CRPPA: variants seen among roughly 807,000 people sequenced by gnomAD.
The protein encoded by CRPPA is CDP-L-ribitol pyrophosphorylase A, also known as D-ribitol-5-phosphate cytidylyltransferase.
In CRPPA, 43 loss-of-function variants were observed where a neutral mutation model predicts 52.0. The observed-to-expected ratio is 0.83, with a 90% CI of 0.65 to 1.07. The LOEUF is 1.07. Ranked by LOEUF, CRPPA falls within the 50% of genes least tolerant of loss-of-function variation. CRPPA has a pLI of 0.00. For synonymous variants in CRPPA, 250 were observed against 203.5 expected, an observed-to-expected ratio of 1.23 and a Z score of -1.94; for missense variants, 629 against 551.7, an observed-to-expected ratio of 1.14 and a Z score of -1.40.
chr7:16,345,762 A>T (rs1785998597), intron 3 of CRPPA, among the ~76,000 whole-genome samples: 1 of 149,300 alleles, frequency 6.7e-6, no homozygotes, highest in Non-Finnish European at 1.5e-5. Context: ...AGTCCTTTAG[A>T]GTTTTTGAAG....
intron 9 of CRPPA, among the ~76,000 whole-genome samples, chr7:16,180,061 A>C (rs1781380010): frequency 6.6e-6 from 1 of 152,088 alleles, no homozygotes; most frequent in African/African-American, 2.4e-5. Context: ...CACGGAGATA[A>C]ATAAAATTTT....
At chr7:16,275,380 G>A (rs1311264940) in intron 6 of CRPPA, among the ~76,000 whole-genome samples, 1 of 152,140 alleles carries the variant, frequency 6.6e-6, no homozygotes, top group African/African-American at 2.4e-5. Flanking sequence ...CAGAAGCACC[G>A]TAGTATGTTA....
chr7:16,334,578 C>T (rs1252515821), intron 3 of CRPPA, among the ~76,000 whole-genome samples: 1 of 152,132 alleles, frequency 6.6e-6, no homozygotes, highest in Non-Finnish European at 1.5e-5. Flanking sequence ...ACAATCCTGC[C>T]TAACTACAGA....
intron 9 of CRPPA, among the ~76,000 whole-genome samples, chr7:16,121,760 C>G (rs1292646941): frequency 6.6e-6 from 1 of 151,892 alleles, no homozygotes; most frequent in African/African-American, 2.4e-5. Flanking sequence ...AAATGATAAG[C>G]CACAGGGAAA....
intron 9 of CRPPA, among the ~76,000 whole-genome samples, chr7:16,147,609 A>G (rs546012054): frequency 6.6e-6 from 1 of 152,298 alleles, no homozygotes; most frequent in African/African-American, 2.4e-5. Context: ...TTTAAGAAAA[A>G]TTTGAAAAGG....
At chr7:16,169,030 G>C (rs1442837762) in intron 9 of CRPPA, among the ~76,000 whole-genome samples, 1 of 152,160 alleles carries the variant, frequency 6.6e-6, no homozygotes, top group African/African-American at 2.4e-5. Context: ...ATGAATGTAA[G>C]ATTTTTAGGA....
intron 6 of CRPPA, among the ~76,000 whole-genome samples, chr7:16,262,387 C>T (rs760423018): frequency 1.1e-4 from 17 of 152,042 alleles, no homozygotes; most frequent in Non-Finnish European, 7.4e-5. Flanking sequence ...TCTTTAATAG[C>T]GCTGCTTTCA....
intron 2 of CRPPA, among the ~76,000 whole-genome samples, chr7:16,381,370 T>C (rs1298005150): frequency 6.6e-6 from 1 of 151,872 alleles, no homozygotes; most frequent in African/African-American, 2.4e-5. Flanking sequence ...TTGTTATAAT[T>C]TCTGTTCTTT....
At chr7:16,380,729 G>A (rs996580449) in intron 2 of CRPPA, among the ~76,000 whole-genome samples, 4 of 152,180 alleles carry the variant, frequency 2.6e-5, no homozygotes, top group African/African-American at 9.7e-5. Flanking sequence ...GAGGGTGTAT[G>A]TGTCGAGGAA....
chr7:16,099,872 C>T (rs768322614), intron 9 of CRPPA, among the ~76,000 whole-genome samples: 7 of 152,174 alleles, frequency 4.6e-5, no homozygotes, highest in Non-Finnish European at 8.8e-5. Context: ...TCCTACACAA[C>T]TCACCCAGCA....
At chr7:16,334,253 G>T (rs1026187756) in intron 3 of CRPPA, among the ~76,000 whole-genome samples, 1 of 152,128 alleles carries the variant, frequency 6.6e-6, no homozygotes, top group African/African-American at 2.4e-5. Context: ...AGCAACTACA[G>T]GTCAGCGATT....
rs561731913 is a variant in CRPPA at position 16,380,505 on chromosome 7, A to C, written c.535-4264T>G. Among the ~76,000 whole-genome samples the C allele has an allele frequency of 3.3e-3, 497 of 152,298 alleles. 5 individuals carry two copies. The highest frequency in any genetic ancestry group is 0.011 in the African/African-American group (450 of 41,576). On this transcript the variant is annotated intron_variant, in intron 2 of 9. Coordinates refer to ENST00000407010, the MANE Select transcript of CRPPA (RefSeq NM_001101426.4). ...GGTATCAGAATGATGCTGGCCTCAT[A>C]AAATGAGTTAGGGAGGATTCCCTCT...
chr7:16,282,864 T>C (rs1043043178), intron 5 of CRPPA, among the ~76,000 whole-genome samples: 49 of 152,190 alleles, frequency 3.2e-4, no homozygotes, highest in African/African-American at 1.1e-3. Flanking sequence ...TCTTACAGTG[T>C]CTATGGACGC....
At chr7:16,268,536 A>G (rs185936015) in intron 6 of CRPPA, among the ~76,000 whole-genome samples, 15 of 152,260 alleles carry the variant, frequency 9.9e-5, no homozygotes, top group Admixed American at 2.0e-4. Flanking sequence ...TCCCATTATG[A>G]CTTATGAGGA....
At chr7:16,281,944 AATATTT>A (rs2128418553) in intron 5 of CRPPA, among the ~76,000 whole-genome samples, 1 of 152,146 alleles carries the variant, frequency 6.6e-6, no homozygotes, top group East Asian at 1.9e-4. Flanking sequence ...CTGAGCATTC[AATATTT>A]TTCATAATCA....
At chr7:16,348,834 G>A (rs781745797) in intron 3 of CRPPA, among the ~76,000 whole-genome samples, 10 of 152,152 alleles carry the variant, frequency 6.6e-5, no homozygotes, top group Non-Finnish European at 1.5e-4. Flanking sequence ...TCTTCTTAGA[G>A]TTTATCCATG....
At chr7:16,094,903 G>A (rs1415828882) in intron 9 of CRPPA, among the ~76,000 whole-genome samples, 2 of 152,058 alleles carry the variant, frequency 1.3e-5, no homozygotes, top group Non-Finnish European at 2.9e-5. Context: ...CAGCCAAGAG[G>A]TGTCTGAAGA....
intron 2 of CRPPA, among the ~76,000 whole-genome samples, chr7:16,388,942 G>C (rs1010093976): frequency 6.6e-6 from 1 of 152,082 alleles, no homozygotes; most frequent in South Asian, 2.1e-4. Context: ...TCGGAAGGTA[G>C]TGACATTTCT....
intron 1 of CRPPA, among the ~76,000 whole-genome samples, chr7:16,420,186 A>G (rs1583595320): frequency 6.6e-6 from 1 of 152,164 alleles, no homozygotes; most frequent in Non-Finnish European, 1.5e-5. Context: ...GATGACATCT[A>G]TCTGGAAATG....
Sources: gnomAD v4.1 joint callset for allele counts (sites outside exome capture counted in the v4.1 genomes callset) on GRCh38, gnomAD v4.1.1 for gene constraint, MANE v1.5 for transcripts, NCBI Gene and HGNC (gene_info 2026-07-23, HGNC 2026-07-21) for gene names.